COL8A1: variants seen among roughly 807,000 people sequenced by gnomAD.
COL8A1 encodes collagen type VIII alpha 1 chain.
COL8A1 carries 21 observed loss-of-function variants against 42.7 expected under a neutral mutation model. The ratio of observed to expected loss-of-function variants is 0.49; its 90% CI spans 0.35 to 0.71. COL8A1 has a LOEUF of 0.71. COL8A1 is among the 30% of genes least tolerant of loss of function. The pLI is 0.01. For missense variants in COL8A1, 788 were observed against 962.4 expected (o/e 0.82, Z 2.40); for synonymous variants, 367 against 369.1 (o/e 0.99, Z 0.06).
intron 1 of COL8A1, among the ~76,000 whole-genome samples, chr3:99,642,546 T>C (rs1222387974): frequency 6.6e-6 from 1 of 152,330 alleles, no homozygotes; most frequent in East Asian, 1.9e-4. Flanking sequence ...AACACACACC[T>C]GACAATTCAC....
chr3:99,693,104 C>T (rs1246146886), intron 1 of COL8A1, among the ~76,000 whole-genome samples: 1 of 152,108 alleles, frequency 6.6e-6, no homozygotes, highest in African/African-American at 2.4e-5. Context: ...GCAGGAGAAT[C>T]GTTTGAACCT....
chr3:99,669,136 T>TAG (rs1938454472), intron 1 of COL8A1, among the ~76,000 whole-genome samples: 2 of 124,718 alleles, frequency 1.6e-5, no homozygotes, highest in African/African-American at 6.0e-5. Flanking sequence ...TATATATATA[T>TAG]ATATATATAT....
At chr3:99,744,751 C>T (rs200471056) in intron 1 of COL8A1, 146 bp from the exon 2 acceptor site, 1 of 152,308 alleles carries the variant, frequency 6.6e-6, no homozygotes, top group East Asian at 1.9e-4. Context: ...ACAAAAACTA[C>T]ATATAGTATA....
intron 1 of COL8A1, among the ~76,000 whole-genome samples, chr3:99,726,810 T>G (rs985014984): frequency 1.3e-5 from 2 of 152,136 alleles, no homozygotes; most frequent in African/African-American, 4.8e-5. Context: ...TTTTGGTTAC[T>G]GTAGCCTTGT....
At chr3:99,737,097 C>T (rs1287162289) in intron 1 of COL8A1, among the ~76,000 whole-genome samples, 3 of 152,116 alleles carry the variant, frequency 2.0e-5, no homozygotes, top group Non-Finnish European at 2.9e-5. Context: ...AGATCTTCCT[C>T]CATCCTTTTA....
At chr3:99,744,175 C>A (rs545007382) in intron 1 of COL8A1, among the ~76,000 whole-genome samples, 1 of 152,324 alleles carries the variant, frequency 6.6e-6, no homozygotes, top group East Asian at 1.9e-4. Context: ...CGTGATCCAC[C>A]TGCCTCGGCC....
chr3:99,716,764 A>G (rs947779872), intron 1 of COL8A1, among the ~76,000 whole-genome samples: 23 of 152,032 alleles, frequency 1.5e-4, no homozygotes, highest in African/African-American at 5.6e-4. Context: ...GGTGCTGAAT[A>G]TTTGACCCTA....
intron 1 of COL8A1, among the ~76,000 whole-genome samples, chr3:99,639,388 A>G (rs1401510222): frequency 6.6e-6 from 1 of 152,232 alleles, no homozygotes; most frequent in Non-Finnish European, 1.5e-5. Context: ...CTAAACATAA[A>G]GTGTTTCAAT....
intron 1 of COL8A1, among the ~76,000 whole-genome samples, chr3:99,731,041 C>A (rs1014805269): frequency 1.3e-5 from 2 of 151,972 alleles, no homozygotes; most frequent in Non-Finnish European, 2.9e-5. Flanking sequence ...GGAATGCCTA[C>A]CATGTGCCAG....
chr3:99,669,151 GGAGAGA>G lies in COL8A1; in HGVS notation c.-129+30513_-129+30518del, dbSNP rs36015819. ...TATATATATATATATATATATAGAG[GGAGAGA>G]GAGAGAGAGAGAGAGAGAGAGAGAG... On this transcript the variant is annotated intron_variant, in intron 1 of 3. Transcript: ENST00000652472. Among the ~76,000 whole-genome samples, 206 of 114,050 alleles carry G rather than the reference GGAGAGA, an allele frequency of 1.8e-3. 1 individual carries two copies. Among genetic ancestry groups the G allele is most frequent in the Admixed American group, 3.1e-3 (33 of 10,764 alleles). The allele number at this position is 114,050 out of a possible 152,430, so 74.8% of individuals were successfully genotyped here.
chr3:99,702,659 A>G (rs907650768), intron 1 of COL8A1, among the ~76,000 whole-genome samples: 3 of 152,162 alleles, frequency 2.0e-5, no homozygotes, highest in African/African-American at 7.2e-5. Context: ...TCATTTATCA[A>G]TTCATTCATT....
At chr3:99,670,608 C>T (rs1041918800) in intron 1 of COL8A1, among the ~76,000 whole-genome samples, 3 of 151,978 alleles carry the variant, frequency 2.0e-5, no homozygotes, top group African/African-American at 7.2e-5. Flanking sequence ...ATTTAGTTGT[C>T]ACTTTTTGTG....
At chr3:99,773,503 T>C (rs1325916436) in intron 2 of COL8A1, among the ~76,000 whole-genome samples, 1 of 152,170 alleles carries the variant, frequency 6.6e-6, no homozygotes, top group African/African-American at 2.4e-5. Flanking sequence ...TTTCTATTCA[T>C]GTAGAATCTT....
chr3:99,736,613 C>T (rs1439607818), intron 1 of COL8A1, among the ~76,000 whole-genome samples: 4 of 152,040 alleles, frequency 2.6e-5, no homozygotes, highest in Non-Finnish European at 4.4e-5. Flanking sequence ...GTTATAATTT[C>T]TGTTCTTTTA....
intron 1 of COL8A1, among the ~76,000 whole-genome samples, chr3:99,743,984 A>G (rs1409833963): frequency 6.7e-6 from 1 of 150,112 alleles, no homozygotes; most frequent in Non-Finnish European, 1.5e-5. Context: ...GCTGGAGTGC[A>G]GTGGCGCGAT....
chr3:99,747,242 T>C (rs1941045555), intron 2 of COL8A1, among the ~76,000 whole-genome samples: 1 of 152,204 alleles, frequency 6.6e-6, no homozygotes, highest in Non-Finnish European at 1.5e-5. Flanking sequence ...ACAGATTATA[T>C]ATTTTCCTCA....
At chr3:99,786,808 C>A (rs1941905335) in intron 2 of COL8A1, among the ~76,000 whole-genome samples, 1 of 152,050 alleles carries the variant, frequency 6.6e-6, no homozygotes, top group African/African-American at 2.4e-5. Flanking sequence ...ATGAATTGCC[C>A]TGAGAAATGC....
rs1942141234 is a variant in COL8A1, at chr3:99,798,585, G to T, written c.*2449G>T. The T allele has an allele frequency of 6.6e-6, 1 of 151,180 alleles. No homozygotes were observed. The highest frequency in any genetic ancestry group is 2.4e-5 in the African/African-American group (1 of 40,994). 9.4% of individuals were successfully genotyped at this position (151,180 alleles called of 1,614,324 possible). A position where few individuals can be genotyped will look rare whatever the true frequency, so the allele number is the denominator to read the frequency against. ...CAAAATATCTTCCAACTTATTTATT[G>T]GTTGTCACTCAATTGCCTATATATA... On this transcript the variant is annotated 3_prime_UTR_variant, in exon 4 of 4. Transcript: ENST00000652472.
intron 1 of COL8A1, among the ~76,000 whole-genome samples, chr3:99,661,786 A>T (rs1480277268): frequency 6.6e-6 from 1 of 152,226 alleles, no homozygotes; most frequent in Non-Finnish European, 1.5e-5. Context: ...ATATTATTCA[A>T]CCGAAGAAAG....
Sources: gnomAD v4.1 joint callset for allele counts (sites outside exome capture counted in the v4.1 genomes callset) on GRCh38, gnomAD v4.1.1 for gene constraint, MANE v1.5 for transcripts, NCBI Gene and HGNC (gene_info 2026-07-23, HGNC 2026-07-21) for gene names.